CCT3: variants seen among roughly 807,000 people sequenced by gnomAD.
CCT3 encodes the protein T-complex protein 1 subunit gamma.
Under a neutral mutation model 65.3 loss-of-function variants are expected in CCT3, and 10 were observed. The ratio of observed to expected loss-of-function variants is 0.15; its 90% CI spans 0.09 to 0.26. The LOEUF (loss-of-function observed/expected upper bound fraction) is 0.26, where lower values mean the gene tolerates loss of function less well. Among genes scored for constraint, CCT3 ranks in the 10% least tolerant of loss-of-function variants. The probability of loss-of-function intolerance (pLI) is 1.00; values close to 1 mark genes in which losing one functional copy is unlikely to be tolerated. For synonymous variants in CCT3, 225 were observed against 242.3 expected (o/e 0.93, Z 0.66); for missense variants, 626 against 708.7 (o/e 0.88, Z 1.33).
chr1:156,313,907 G>T (rs977905364), intron 10 of CCT3, among the ~76,000 whole-genome samples: 1 of 152,104 alleles, frequency 6.6e-6, no homozygotes, highest in Non-Finnish European at 1.5e-5. Flanking sequence ...GGCCAACATG[G>T]TGAAAACCCG....
In CCT3 at chr1:156,336,027, T is replaced by A. The variant is rs988456654; in HGVS notation, c.32-139A>T. On this transcript the variant is annotated intron_variant, in intron 1 of 13. Transcript: ENST00000295688. ...GCAAAGCTTATCAAACTCTACACTTTAAATAAGTGCAGTTTATTATATGTC... is the reference window on the plus strand; with the variant it reads ...GCAAAGCTTATCAAACTCTACACTTAAAATAAGTGCAGTTTATTATATGTC... 1.5e-5 allele frequency: 9 copies of A among 584,366 alleles called. No individual in the cohort carries two copies. The Admixed American group carries it at 2.5e-4, about 16-fold the overall frequency. 36.2% of individuals were successfully genotyped at this position (584,366 alleles called of 1,614,324 possible).
Position 156,309,176 on chromosome 1 carries a change from A to G in CCT3, c.*23T>C. On this transcript the variant is annotated 3_prime_UTR_variant, in exon 14 of 14. Coordinates refer to ENST00000295688, the MANE Select transcript of CCT3 (RefSeq NM_005998.5). Reference sequence around the variant, plus strand: ...AGGGGAGACTCTGCTGGTTCTGTGCATTGAAGTAGCCTTGCCTAGCACTCA... The same window carrying G: ...AGGGGAGACTCTGCTGGTTCTGTGCGTTGAAGTAGCCTTGCCTAGCACTCA... The G allele has an allele frequency of 1.4e-6, 2 of 1,477,956 alleles. No homozygotes were observed. Among genetic ancestry groups the G allele is most frequent in the Non-Finnish European group, 1.9e-6 (2 of 1,056,034 alleles). 91.6% of individuals were successfully genotyped at this position (1,477,956 alleles called of 1,614,324 possible).
At position 156,320,887 on chromosome 1, in the gene CCT3, C is replaced by A. The variant is rs755353668; in HGVS notation, c.561G>T (p.Glu187Asp). ...LDAVKMVQFE[E>D]NGRKEIDIKK... is the part of the protein sequence containing the mutation. ...TTATGTCAATCTCTTTCCGACCATT[C>A]TCCTCAAACTGTACCATCTTGACAG... The change falls in exon 7 of 14, where the codon GAG becomes GAT. Residue 187 changes from glutamate (E) to aspartate (D), a missense_variant. Coordinates refer to ENST00000295688, the MANE Select transcript of CCT3 (RefSeq NM_005998.5). 2.5e-5 allele frequency: 41 copies of A among 1,613,446 alleles called. No individual in the cohort carries two copies. The highest frequency in any genetic ancestry group is 1.8e-4 in the Admixed American group (11 of 59,914).
Position 156,309,230 on chromosome 1 carries a change from T to C in CCT3, c.1607A>G (p.Gln536Arg). ...HKKKGDDQSR[Q>R]GGAPDAGQE ...CTGGCCAGCATCAGGAGCCCCGCCT[T>C]GCCGGCTCTGGTCATCGCCTTTCTT... Residue 536 changes from glutamine to arginine, a missense_variant, in exon 14 of 14, where the codon CAA (glutamine) becomes CGA (arginine). Coordinates refer to ENST00000295688, the MANE Select transcript of CCT3 (RefSeq NM_005998.5). 6.2e-7 allele frequency: 1 copy of C among 1,614,002 alleles called. No individual in the cohort carries two copies. Among genetic ancestry groups the C allele is most frequent in the Non-Finnish European group, 8.5e-7 (1 of 1,179,874 alleles).
chr1:156,314,272 T>G (rs1257667701), intron 10 of CCT3, among the ~76,000 whole-genome samples: 1 of 152,114 alleles, frequency 6.6e-6, no homozygotes, highest in Non-Finnish European at 1.5e-5. Flanking sequence ...GTACATGACT[T>G]CGTAGGATTT....
chr1:156,338,037 CGAT>C, intron 1 of CCT3, 114 bp downstream of exon 1: 1 of 1,130,666 alleles, frequency 8.8e-7, no homozygotes, highest in Non-Finnish European at 1.3e-6. Flanking sequence ...AAAATGAAGA[CGAT>C]GATTGGAAGG....
In CCT3 at chr1:156,310,610, C is replaced by T. The variant is rs1204011414; in HGVS notation, c.1481G>A (p.Gly494Asp). 1 of 1,613,796 alleles carries T rather than the reference C, an allele frequency of 6.2e-7. No homozygotes were observed. The highest frequency in any genetic ancestry group is 8.5e-7 in the Non-Finnish European group (1 of 1,179,800). Reference sequence around the variant, plus strand: ...CTTCACAGCCAATGGCTCCCATATGCCCAGTTCCTTCATGTCCACCAAAGT... The same window carrying T: ...CTTCACAGCCAATGGCTCCCATATGTCCAGTTCCTTCATGTCCACCAAAGT... Reference protein sequence around the residue: ...TGTLVDMKELGIWEPLAVKLQ... With the variant: ...TGTLVDMKELDIWEPLAVKLQ... The change falls in exon 13 of 14, where the codon GGC (glycine) becomes GAC (aspartate). Residue 494 changes from glycine to aspartate, a missense_variant. Transcript: ENST00000295688.
intron 2 of CCT3, chr1:156,335,448 A>T: frequency 4.9e-6 from 1 of 205,610 alleles, no homozygotes; most frequent in Non-Finnish European, 9.7e-6. Context: ...AGGCTATTTC[A>T]CTATTTCATT....
At position 156,318,918 on chromosome 1, in the gene CCT3, G is replaced by C. The variant is rs772429212; in HGVS notation, c.709C>G (p.Arg237Gly). The C allele has an allele frequency of 6.2e-7, 1 of 1,614,080 alleles. No homozygotes were observed. The highest frequency in any genetic ancestry group is 8.5e-7 in the Non-Finnish European group (1 of 1,180,020). Residue 237 changes from arginine to glycine, a missense_variant, in exon 8 of 14, where the codon CGC becomes GGC. Physicochemically the swap from Arg to Gly is moderately radical, Grantham distance 125. Coordinates refer to ENST00000295688, the MANE Select transcript of CCT3 (RefSeq NM_005998.5). The part of the protein sequence containing the change: ...PRMRRYIKNP[R>G]IVLLDSSLEY... The stretch of plus-strand genomic sequence containing the variant: ...AGAGAAGAATCCAGCAGCACAATGC[G>C]AGGGTTCTTGATATAGCGCCGCATA...
chr1:156,321,824 AGAGT>A (rs1055465523), intron 6 of CCT3, among the ~76,000 whole-genome samples: 2 of 152,220 alleles, frequency 1.3e-5, no homozygotes, highest in African/African-American at 4.8e-5. Context: ...CCTGGGTGAC[AGAGT>A]GAGATTCCGT....
chr1:156,321,333 T>C (rs921473614), intron 6 of CCT3, among the ~76,000 whole-genome samples: 2 of 152,210 alleles, frequency 1.3e-5, no homozygotes, highest in Non-Finnish European at 2.9e-5. Flanking sequence ...TTTTCAACTT[T>C]TACAACTCAG....
chr1:156,310,301 T>C (rs2101626112), intron 13 of CCT3, among the ~76,000 whole-genome samples: 1 of 152,066 alleles, frequency 6.6e-6, no homozygotes, highest in South Asian at 2.1e-4. Flanking sequence ...GAGACCAGCC[T>C]GAACAACATA....
chr1:156,313,145 A>G (rs1370329758), intron 10 of CCT3, among the ~76,000 whole-genome samples: 1 of 151,940 alleles, frequency 6.6e-6, no homozygotes. Flanking sequence ...GGAGTTCGAG[A>G]CCAGCCTGGT....
At position 156,317,464 on chromosome 1, in the gene CCT3, G is replaced by A; in HGVS notation, c.843C>T (p.Asp281=). The part of the protein sequence containing the change: ...EEEYIQQLCE[D]IIQLKPDVVI... ...CCACATCGGGCTTCAGTTGGATAATGTCCTCACAGAGCTGCTGGATGTACT... is the reference window on the plus strand; with the variant it reads ...CCACATCGGGCTTCAGTTGGATAATATCCTCACAGAGCTGCTGGATGTACT... Residue 281 remains aspartate, a synonymous_variant, in exon 9 of 14, where the codon GAC becomes GAT. Transcript: ENST00000295688. 2.5e-6 allele frequency: 4 copies of A among 1,614,016 alleles called. No homozygotes were observed. In the East Asian group the frequency reaches 6.7e-5, roughly 27 times the overall value.
chr1:156,336,280 A>T (rs1269688730), intron 1 of CCT3, among the ~76,000 whole-genome samples: 1 of 146,204 alleles, frequency 6.8e-6, no homozygotes, highest in Admixed American at 6.9e-5. Flanking sequence ...AGATACTGCA[A>T]TTTTTTTTTT....
At chr1:156,335,567 C>T in intron 2 of CCT3, 1 of 408,618 alleles carries the variant, frequency 2.4e-6, no homozygotes, top group Non-Finnish European at 4.3e-6. Flanking sequence ...GGGAGACAAA[C>T]ACAAATAGAA....
At chr1:156,337,929 G>A in intron 1 of CCT3, 2 of 578,230 alleles carry the variant, frequency 3.5e-6, no homozygotes, top group Non-Finnish European at 6.2e-6. Flanking sequence ...ACGAGCACAC[G>A]TCAAGGAAAG....
intron 1 of CCT3, chr1:156,337,098 T>C: frequency 7.8e-7 from 1 of 1,284,306 alleles, no homozygotes; most frequent in African/African-American, 1.5e-5. Context: ...ACAATGGAGG[T>C]GGTGCTCATC....
chr1:156,322,407 T>C lies in CCT3; in HGVS notation c.423-1382A>G, dbSNP rs574736610. ...AGCTACTTGGGAGGCTGAGACAGAA[T>C]TGCTTGAACCGAAGAGGCGGAGGTT... On this transcript the variant is annotated intron_variant, in intron 6 of 13. Transcript: ENST00000295688. Among the ~76,000 whole-genome samples, 20 of 151,276 alleles carry C rather than the reference T, an allele frequency of 1.3e-4. 1 individual carries two copies. Among genetic ancestry groups the C allele is most frequent in the Middle Eastern group, 6.9e-3 (2 of 290 alleles).
Sources: allele counts gnomAD v4.1 joint callset (sites outside exome capture counted in the v4.1 genomes callset), GRCh38; gene constraint gnomAD v4.1.1; transcripts MANE v1.5; gene names NCBI Gene and HGNC (gene_info 2026-07-23, HGNC 2026-07-21).